Variants in LRRC4C observed in about 807,000 individuals in gnomAD.
LRRC4C encodes leucine-rich repeat-containing protein 4C.
A neutral mutation model predicts 33.6 loss-of-function variants in LRRC4C; 5 were observed. The ratio of observed to expected loss-of-function variants is 0.15; its 90% CI spans 0.08 to 0.31. LRRC4C has a LOEUF of 0.31. Among genes scored for constraint, LRRC4C ranks in the 10% least tolerant of loss-of-function variants. The probability of loss-of-function intolerance (pLI) is 1.00; values close to 1 mark genes in which losing one functional copy is unlikely to be tolerated. For synonymous variants in LRRC4C, 329 were observed against 302.0 expected (o/e 1.09, Z -0.93); for missense variants, 560 against 796.7 (o/e 0.70, Z 3.58).
At chr11:40,521,155 GA>G (rs1444651955) in intron 3 of LRRC4C, among the ~76,000 whole-genome samples, 1 of 152,152 alleles carries the variant, frequency 6.6e-6, no homozygotes, top group Non-Finnish European at 1.5e-5. Flanking sequence ...AGCTAATGGG[GA>G]AATCAATGTC....
chr11:40,324,526 A>G (rs755322906), intron 3 of LRRC4C, among the ~76,000 whole-genome samples: 7 of 152,282 alleles, frequency 4.6e-5, no homozygotes, highest in Non-Finnish European at 1.0e-4. Context: ...GAGTTCTACC[A>G]CCCTCACTCA....
chr11:40,601,877 C>G (rs1163515557), intron 3 of LRRC4C, among the ~76,000 whole-genome samples: 2 of 152,014 alleles, frequency 1.3e-5, no homozygotes, highest in Non-Finnish European at 2.9e-5. Flanking sequence ...TAACATGCCT[C>G]TTTCTCATGT....
At chr11:40,476,341 TC>T (rs1445340186) in intron 3 of LRRC4C, among the ~76,000 whole-genome samples, 19 of 134,720 alleles carry the variant, frequency 1.4e-4, no homozygotes, top group East Asian at 2.1e-4. Context: ...TTTTTTTTCT[TC>T]TTTTTTTTTT....
chr11:40,189,508 C>G (rs1477201988), intron 5 of LRRC4C, among the ~76,000 whole-genome samples: 1 of 152,104 alleles, frequency 6.6e-6, no homozygotes. Flanking sequence ...GCATCATGAT[C>G]CCTTCTTCGA....
chr11:40,762,091 G>T (rs947982695), intron 2 of LRRC4C, among the ~76,000 whole-genome samples: 11 of 152,132 alleles, frequency 7.2e-5, no homozygotes, highest in African/African-American at 2.2e-4. Context: ...GATTGTTCCT[G>T]GAATTGGCTA....
At chr11:41,424,241 T>G (rs968050154) in intron 1 of LRRC4C, among the ~76,000 whole-genome samples, 12 of 151,692 alleles carry the variant, frequency 7.9e-5, no homozygotes, top group African/African-American at 2.9e-4. Flanking sequence ...AAACAGAAAA[T>G]GAAAGAGAAT....
At chr11:40,395,112 C>A (rs560932416) in intron 3 of LRRC4C, among the ~76,000 whole-genome samples, 6 of 152,182 alleles carry the variant, frequency 3.9e-5, no homozygotes, top group African/African-American at 1.4e-4. Flanking sequence ...TATCTTTAAA[C>A]AATGCAACCT....
At position 40,650,085 on chromosome 11, in the gene LRRC4C, C is replaced by T. The variant is rs79959547; in HGVS notation, c.-406-1807G>A. 4.4e-3 allele frequency among the ~76,000 whole-genome samples: 666 copies of T among 152,214 alleles called. 6 individuals carry two copies. The highest frequency in any genetic ancestry group is 0.015 in the African/African-American group (637 of 41,538). On this transcript the variant is annotated intron_variant, in intron 2 of 6. Transcript: ENST00000528697. ...ACAAATGAAAAGAGTTATTTTGGCA[C>T]TAGGCTAATGAAGAATTCCAAAAAA...
chr11:40,473,450 C>G (rs1236569946), intron 3 of LRRC4C, among the ~76,000 whole-genome samples: 4 of 152,084 alleles, frequency 2.6e-5, no homozygotes, highest in African/African-American at 7.2e-5. Context: ...GGGGACATAT[C>G]TTAAAATAAT....
chr11:40,585,983 T>A (rs578186373), intron 3 of LRRC4C, among the ~76,000 whole-genome samples: 1 of 136,888 alleles, frequency 7.3e-6, no homozygotes, highest in East Asian at 2.1e-4. Flanking sequence ...TTTGGGTATA[T>A]ACCCAGTAAT....
chr11:40,229,562 C>A (rs1373130792), intron 5 of LRRC4C, among the ~76,000 whole-genome samples: 1 of 152,152 alleles, frequency 6.6e-6, no homozygotes, highest in Non-Finnish European at 1.5e-5. Context: ...TGTGAGCCAC[C>A]ACACCTGGCC....
At chr11:40,293,835 T>G (rs558648794) in intron 4 of LRRC4C, 2 of 152,338 alleles carry the variant, frequency 1.3e-5, no homozygotes, top group African/African-American at 2.4e-5. Context: ...GGAGCGCAGC[T>G]GCTCCGCGCC....
intron 1 of LRRC4C, among the ~76,000 whole-genome samples, chr11:41,400,985 C>G (rs1954004757): frequency 6.6e-6 from 1 of 151,774 alleles, no homozygotes; most frequent in Admixed American, 6.6e-5. Flanking sequence ...CACTCATAAG[C>G]AATGCAGGAA....
At chr11:40,699,099 A>G (rs1310682295) in intron 2 of LRRC4C, among the ~76,000 whole-genome samples, 2 of 152,208 alleles carry the variant, frequency 1.3e-5, no homozygotes, top group Non-Finnish European at 1.5e-5. Flanking sequence ...TGCAGACGAT[A>G]CAACTGAAGC....
chr11:41,057,061 T>G (rs150467173), intron 1 of LRRC4C, among the ~76,000 whole-genome samples: 5,944 of 152,268 alleles, frequency 0.039, 139 homozygotes, highest in Middle Eastern at 0.078. Context: ...AGGGCAAAGC[T>G]GCAGCTGCTC....
intron 5 of LRRC4C, among the ~76,000 whole-genome samples, chr11:40,152,865 C>T (rs1289031891): frequency 1.3e-5 from 2 of 152,118 alleles, no homozygotes; most frequent in African/African-American, 2.4e-5. Flanking sequence ...ACCCTCATAG[C>T]AGATGACAAA....
At chr11:40,743,675 A>C (rs1045934462) in intron 2 of LRRC4C, among the ~76,000 whole-genome samples, 7 of 152,126 alleles carry the variant, frequency 4.6e-5, no homozygotes, top group Admixed American at 4.6e-4. Context: ...TGAGACTTTT[A>C]AATTAAAAAT....
chr11:40,320,397 C>T (rs1019503209), intron 3 of LRRC4C, among the ~76,000 whole-genome samples: 1 of 151,874 alleles, frequency 6.6e-6, no homozygotes, highest in Non-Finnish European at 1.5e-5. Flanking sequence ...CCCAGCTGCT[C>T]GGGAGGCTGA....
chr11:40,416,690 G>A (rs908206871), intron 3 of LRRC4C, among the ~76,000 whole-genome samples: 1 of 152,116 alleles, frequency 6.6e-6, no homozygotes, highest in Non-Finnish European at 1.5e-5. Flanking sequence ...CCAACAATAA[G>A]GCAAAGTGAG....
Sources: gnomAD v4.1 joint callset for allele counts (sites outside exome capture counted in the v4.1 genomes callset) on GRCh38, gnomAD v4.1.1 for gene constraint, MANE v1.5 for transcripts, NCBI Gene and HGNC (gene_info 2026-07-23, HGNC 2026-07-21) for gene names.